TNRC18: variants seen among roughly 807,000 people sequenced by gnomAD.
TNRC18 encodes trinucleotide repeat-containing gene 18 protein.
Under a neutral mutation model 226.7 loss-of-function variants are expected in TNRC18, and 69 were observed. The observed-to-expected ratio is 0.30, with a 90% CI of 0.25 to 0.37. The LOEUF is 0.37. Ranked by LOEUF, TNRC18 falls within the 10% of genes least tolerant of loss-of-function variation. The pLI is 1.00. For missense variants in TNRC18, 4,754 were observed against 4,256.6 expected (o/e 1.12, Z -3.25); for synonymous variants, 2,449 against 1,927.6 (o/e 1.27, Z -7.09).
At chr7:5,362,183 T>C (rs1793124853) in intron 12 of TNRC18, 150 bp from the exon 13 acceptor site, 7 of 964,536 alleles carry the variant, frequency 7.3e-6, no homozygotes, top group Non-Finnish European at 1.1e-5. Context: ...ACTGTGGCCA[T>C]GGCCTCATCG....
At chr7:5,368,488 C>A (rs1280185355) in intron 11 of TNRC18, among the ~76,000 whole-genome samples, 1 of 151,674 alleles carries the variant, frequency 6.6e-6, no homozygotes, top group Non-Finnish European at 1.5e-5. Flanking sequence ...CATGGTGAAA[C>A]CCCATCTCCA....
At chr7:5,404,325 C>T (rs1422000360) in intron 2 of TNRC18, among the ~76,000 whole-genome samples, 2 of 151,330 alleles carry the variant, frequency 1.3e-5, no homozygotes, top group Admixed American at 6.6e-5. Context: ...GAGCCGAGAT[C>T]ACGCCACTGC....
intron 2 of TNRC18, among the ~76,000 whole-genome samples, chr7:5,402,539 A>C (rs750924866): frequency 1.3e-5 from 2 of 149,804 alleles, no homozygotes; most frequent in South Asian, 4.2e-4. Context: ...TCTCAAAAAG[A>C]CAAAAAAAAA....
At chr7:5,342,681 T>C (rs867620373) in intron 18 of TNRC18, among the ~76,000 whole-genome samples, 65 of 152,208 alleles carry the variant, frequency 4.3e-4, no homozygotes, top group African/African-American at 1.4e-3. Context: ...GTGAAGATGC[T>C]GTGAACACTG....
intron 2 of TNRC18, among the ~76,000 whole-genome samples, chr7:5,416,747 C>T (rs948707869): frequency 6.6e-6 from 1 of 151,872 alleles, no homozygotes; most frequent in African/African-American, 2.4e-5. Context: ...ATCCCAGCTA[C>T]TCAGGAGGCT....
At chr7:5,342,213 G>A (rs1790753341) in intron 18 of TNRC18, among the ~76,000 whole-genome samples, 2 of 152,302 alleles carry the variant, frequency 1.3e-5, no homozygotes, top group African/African-American at 2.4e-5. Flanking sequence ...TGGATCATTT[G>A]AGGCCAGGAG....
intron 2 of TNRC18, chr7:5,420,661 T>C (rs1301441711): frequency 2.1e-6 from 1 of 472,884 alleles, no homozygotes; most frequent in East Asian, 6.3e-5. Context: ...AAAAGTAGCG[T>C]TTGCCAAGAA....
In TNRC18 at chr7:5,375,321, AAAAC is replaced by A. The variant is rs71827731; in HGVS notation, c.2799+709_2799+712del. On this transcript the variant is annotated intron_variant, in intron 9 of 29. Transcript: ENST00000430969. ...AAGACTCCACCTCAAAAAAACAACA[AAAAC>A]AAACAAACAAACAAACACCAGAACA... 7.9e-4 allele frequency among the ~76,000 whole-genome samples: 120 copies of A among 151,712 alleles called. 2 individuals carry two copies. Among genetic ancestry groups the A allele is most frequent in the Admixed American group, 5.0e-3 (76 of 15,172 alleles).
At chr7:5,361,368 A>G (rs1793028511) in intron 14 of TNRC18, among the ~76,000 whole-genome samples, 1 of 152,200 alleles carries the variant, frequency 6.6e-6, no homozygotes, top group South Asian at 2.1e-4. Context: ...GGGTTAGGAC[A>G]CGGGAAAAAT....
rs1234579505 is a variant in TNRC18 at position 5,374,391 on chromosome 7, T to C, written c.2893A>G (p.Thr965Ala). The change falls in exon 10 of 30, where the codon ACC (threonine) becomes GCC (alanine). Residue 965 changes from threonine (T) to alanine (A), a missense_variant. Transcript: ENST00000430969. ...LEAAGKAGLA[T>A]AGPGLLPRKP... ...CGCGGCAGCAGCCCGGGGCCGGCGG[T>C]GGCCAGGCCAGCCTTGCCCGCAGCC... 2 of 1,518,368 alleles carry C rather than the reference T, an allele frequency of 1.3e-6. No homozygotes were observed. Among genetic ancestry groups the C allele is most frequent in the Admixed American group, 4.2e-5 (2 of 47,664 alleles). 94.1% of individuals were successfully genotyped at this position (1,518,368 alleles called of 1,614,324 possible).
At chr7:5,376,793 C>G in intron 8 of TNRC18, 54 bp downstream of exon 8, 2 of 1,580,570 alleles carry the variant, frequency 1.3e-6, no homozygotes, top group Non-Finnish European at 1.7e-6. Context: ...CAGAGACCAT[C>G]TCGCTGGGCA....
Position 5,306,892 on chromosome 7 carries a change from ATAATTCCC to A in TNRC18, c.*1206_*1213del, listed in dbSNP as rs1562464643. On this transcript the variant is annotated 3_prime_UTR_variant, in exon 30 of 30. Coordinates refer to ENST00000430969, the MANE Select transcript of TNRC18 (RefSeq NM_001080495.3). ...AAAAGAAACATAAAAAAAAAAACCA[ATAATTCCC>A]CCAAAAAACAAACCCAAAGTCTGGC... is the stretch of plus-strand genomic sequence containing the variant. 6.7e-5 allele frequency: 10 copies of A among 148,728 alleles called. No individual in the cohort carries two copies. Among genetic ancestry groups the A allele is most frequent in the African/African-American group, 2.6e-4 (10 of 38,618 alleles). The allele number at this position is 148,728 out of a possible 1,614,324, so 9.2% of individuals were successfully genotyped here.
chr7:5,381,606 C>A (rs1044704004), intron 5 of TNRC18, among the ~76,000 whole-genome samples: 3 of 151,900 alleles, frequency 2.0e-5, no homozygotes, highest in African/African-American at 7.3e-5. Flanking sequence ...ACCTGGGCAA[C>A]GGAGTGAGAC....
At chr7:5,347,748 A>T (rs1791353213) in intron 17 of TNRC18, among the ~76,000 whole-genome samples, 1 of 151,822 alleles carries the variant, frequency 6.6e-6, no homozygotes. Context: ...TGATGTCAGG[A>T]GTTCGAGACC....
At chr7:5,361,851 T>G (rs1046730973) in intron 13 of TNRC18, 46 bp downstream of exon 13, 7 of 1,510,394 alleles carry the variant, frequency 4.6e-6, no homozygotes, top group East Asian at 5.0e-5. Flanking sequence ...GGGGGCCTGG[T>G]GGGCCGGGGC....
intron 2 of TNRC18, among the ~76,000 whole-genome samples, chr7:5,409,094 G>A (rs1781674133): frequency 6.6e-6 from 1 of 152,038 alleles, no homozygotes; most frequent in African/African-American, 2.4e-5. Flanking sequence ...TTTTACAGAG[G>A]GCATTCAAGA....
chr7:5,380,760 AGGCAGGACTGG>A (rs1266863375), intron 5 of TNRC18, among the ~76,000 whole-genome samples: 1 of 152,166 alleles, frequency 6.6e-6, no homozygotes, highest in African/African-American at 2.4e-5. Context: ...GACAGGTCTC[AGGCAGGACTGG>A]GGCAACGGAG....
intron 11 of TNRC18, among the ~76,000 whole-genome samples, chr7:5,363,732 G>A (rs1230386923): frequency 6.6e-6 from 1 of 152,108 alleles, no homozygotes; most frequent in African/African-American, 2.4e-5. Context: ...AAGACCGAAG[G>A]GTTCTTTCCA....
At chr7:5,345,535 C>CCCCCCCCCCCCCCCCCCCCA in intron 18 of TNRC18, 27 bp downstream of exon 18, 1 of 1,251,088 alleles carries the variant, frequency 8.0e-7, no homozygotes, top group Non-Finnish European at 1.0e-6. Context: ...CACCCACCCC[C>CCCCCCCCCCCCCCCCCCCCA]ACCGCAGCCC....
Sources: gnomAD v4.1 joint callset for allele counts (sites outside exome capture counted in the v4.1 genomes callset) on GRCh38, gnomAD v4.1.1 for gene constraint, MANE v1.5 for transcripts, NCBI Gene and HGNC (gene_info 2026-07-23, HGNC 2026-07-21) for gene names.